The following KHDRBS2 variants were observed in gnomAD, a reference collection of about 807,000 sequenced individuals.
KHDRBS2 encodes the protein KH RNA binding domain containing, signal transduction associated 2.
In KHDRBS2, 26 loss-of-function variants were observed where a neutral mutation model predicts 44.3. That is an observed-to-expected ratio of 0.59 (90% CI 0.43 to 0.81). KHDRBS2 has a LOEUF of 0.81. Among genes scored for constraint, KHDRBS2 ranks in the 40% least tolerant of loss-of-function variants. The probability of loss-of-function intolerance (pLI) is 0.00; values close to 1 mark genes in which losing one functional copy is unlikely to be tolerated. For missense variants in KHDRBS2, 476 were observed against 433.1 expected (o/e 1.10, Z -0.88); for synonymous variants, 194 against 151.1 (o/e 1.28, Z -2.08).
the KHDRBS2 span, among the ~76,000 whole-genome samples, chr6:61,648,048 A>G: frequency 1.3e-5 from 2 of 152,146 alleles, no homozygotes; most frequent in Admixed American, 6.5e-5. Context: ...GGGGGTTCTA[A>G]TTAGGAATAG....
intron 3 of KHDRBS2, among the ~76,000 whole-genome samples, chr6:62,044,093 C>G (rs1265477362): frequency 2.6e-5 from 4 of 151,922 alleles, no homozygotes; most frequent in African/African-American, 7.3e-5. Context: ...CCCTGACTTA[C>G]ACAACCAAAT....
chr6:62,236,645 C>T (rs997224884), intron 1 of KHDRBS2, among the ~76,000 whole-genome samples: 11 of 151,788 alleles, frequency 7.2e-5, no homozygotes, highest in Admixed American at 2.6e-4. Context: ...TCAGTTTCTT[C>T]GTCAATAATA....
At chr6:61,714,466 T>C (rs1304292071) in intron 7 of KHDRBS2, among the ~76,000 whole-genome samples, 3 of 152,058 alleles carry the variant, frequency 2.0e-5, no homozygotes, top group Admixed American at 6.6e-5. Flanking sequence ...ACAACCTATA[T>C]GGAAACTAGT....
the KHDRBS2 span, among the ~76,000 whole-genome samples, chr6:61,646,324 TC>T: frequency 6.6e-6 from 1 of 152,184 alleles, no homozygotes; most frequent in Non-Finnish European, 1.5e-5. Context: ...GTAACAAGTC[TC>T]TTAACACAGT....
intron 2 of KHDRBS2, among the ~76,000 whole-genome samples, chr6:62,067,939 C>A (rs1437025365): frequency 6.6e-6 from 1 of 151,492 alleles, no homozygotes; most frequent in Non-Finnish European, 1.5e-5. Flanking sequence ...TATATTTTGT[C>A]TATTTAACAG....
At chr6:61,834,109 C>T (rs1031069921) in intron 6 of KHDRBS2, among the ~76,000 whole-genome samples, 6 of 151,954 alleles carry the variant, frequency 3.9e-5, no homozygotes, top group African/African-American at 1.4e-4. Context: ...CCTATAATTC[C>T]ATTAATCTCA....
chr6:61,662,842 T>C, the KHDRBS2 span, among the ~76,000 whole-genome samples: 12 of 151,576 alleles, frequency 7.9e-5, no homozygotes, highest in East Asian at 3.9e-4. Context: ...GTCAGTGTGG[T>C]GATTCCTCAG....
At chr6:61,806,521 G>A (rs1467802541) in intron 6 of KHDRBS2, among the ~76,000 whole-genome samples, 7 of 152,114 alleles carry the variant, frequency 4.6e-5, no homozygotes, top group African/African-American at 7.2e-5. Context: ...AATGCAAATG[G>A]ATGATTTGAA....
intron 1 of KHDRBS2, among the ~76,000 whole-genome samples, chr6:62,237,841 C>A (rs1475838938): frequency 6.6e-6 from 1 of 152,016 alleles, no homozygotes; most frequent in Non-Finnish European, 1.5e-5. Flanking sequence ...GAGTTTCAGG[C>A]CAGCTTGGCC....
intron 4 of KHDRBS2, among the ~76,000 whole-genome samples, chr6:61,952,281 G>A (rs1764918287): frequency 6.6e-6 from 1 of 151,996 alleles, no homozygotes; most frequent in South Asian, 2.1e-4. Flanking sequence ...CAGGTCAGAA[G>A]CATCACAATA....
At chr6:61,710,132 G>T (rs1321016809) in intron 7 of KHDRBS2, among the ~76,000 whole-genome samples, 2 of 151,612 alleles carry the variant, frequency 1.3e-5, no homozygotes, top group Non-Finnish European at 3.0e-5. Context: ...ACCAGAGTCT[G>T]GGGAAAGAAT....
the KHDRBS2 span, among the ~76,000 whole-genome samples, chr6:61,621,250 C>A: frequency 6.6e-6 from 1 of 152,076 alleles, no homozygotes. Flanking sequence ...AATCCCCTTG[C>A]CAGTACAATA....
chr6:61,849,804 T>G (rs2127282434), intron 6 of KHDRBS2, among the ~76,000 whole-genome samples: 1 of 152,226 alleles, frequency 6.6e-6, no homozygotes, highest in Non-Finnish European at 1.5e-5. Flanking sequence ...TTATTAGAAC[T>G]AATCTTAACC....
At chr6:62,055,040 A>C (rs1789950787) in intron 2 of KHDRBS2, among the ~76,000 whole-genome samples, 2 of 152,102 alleles carry the variant, frequency 1.3e-5, no homozygotes, top group Admixed American at 6.6e-5. Flanking sequence ...ATAAAACTTT[A>C]GAACTTCTAG....
chr6:61,597,914 G>T, the KHDRBS2 span, among the ~76,000 whole-genome samples: 6 of 135,200 alleles, frequency 4.4e-5, no homozygotes, highest in East Asian at 2.2e-4. Context: ...TTTTTTTTGT[G>T]TTTTTTTTTT....
chr6:62,259,366 T>C (rs953687077), intron 1 of KHDRBS2, among the ~76,000 whole-genome samples: 2 of 151,968 alleles, frequency 1.3e-5, no homozygotes, highest in Admixed American at 6.6e-5. Context: ...TTTCCTTCTA[T>C]ATAGTATTTC....
intron 2 of KHDRBS2, among the ~76,000 whole-genome samples, chr6:62,149,725 G>A: frequency 6.6e-6 from 1 of 152,146 alleles, no homozygotes; most frequent in East Asian, 1.9e-4. Context: ...ATAGGGTGCA[G>A]TGATTTAAGA....
chr6:61,645,463 TAAA>T, the KHDRBS2 span, among the ~76,000 whole-genome samples: 1 of 137,050 alleles, frequency 7.3e-6, no homozygotes, highest in African/African-American at 2.7e-5. Context: ...CACTTGAACC[TAAA>T]AAAAAAAATT....
intron 2 of KHDRBS2, among the ~76,000 whole-genome samples, chr6:62,153,526 C>A (rs528017371): frequency 4.6e-5 from 7 of 151,814 alleles, no homozygotes; most frequent in African/African-American, 1.7e-4. Flanking sequence ...TAACTAAGCA[C>A]GATGCTTCCT....
Sources: allele counts gnomAD v4.1 joint callset (sites outside exome capture counted in the v4.1 genomes callset), GRCh38; gene constraint gnomAD v4.1.1; transcripts MANE v1.5; gene names NCBI Gene and HGNC (gene_info 2026-07-23, HGNC 2026-07-21).